Variants in MCUR1 observed in about 807,000 individuals in gnomAD.
The protein encoded by MCUR1 is mitochondrial calcium uniporter regulator 1.
A neutral mutation model predicts 42.0 loss-of-function variants in MCUR1; 37 were observed. The ratio of observed to expected loss-of-function variants is 0.88; its 90% CI spans 0.68 to 1.16. The LOEUF (loss-of-function observed/expected upper bound fraction) is 1.16. Among genes scored for constraint, MCUR1 ranks in the 50% most tolerant of loss-of-function variants. MCUR1 has a pLI of 0.00. For synonymous variants in MCUR1, 229 were observed against 196.2 expected (o/e 1.17, Z -1.40); for missense variants, 469 against 468.4 (o/e 1.00, Z -0.01).
intron 6 of MCUR1, among the ~76,000 whole-genome samples, chr6:13,797,136 G>C (rs1195633463): frequency 2.0e-5 from 3 of 152,072 alleles, no homozygotes; most frequent in African/African-American, 7.2e-5. Flanking sequence ...TTACTTTTTT[G>C]AGTTTCAGTA....
chr6:13,808,770 T>C (rs1352964248), intron 1 of MCUR1, among the ~76,000 whole-genome samples: 1 of 152,194 alleles, frequency 6.6e-6, no homozygotes, highest in African/African-American at 2.4e-5. Flanking sequence ...TCCACTGAAA[T>C]GTCTTGTCAC....
At chr6:13,803,145 T>TGG (rs1339943445) in intron 2 of MCUR1, among the ~76,000 whole-genome samples, 1 of 152,102 alleles carries the variant, frequency 6.6e-6, no homozygotes, top group African/African-American at 2.4e-5. Context: ...CACAGCAACC[T>TGG]CCACCTCCCG....
chr6:13,810,063 C>T (rs1033161869), intron 1 of MCUR1, among the ~76,000 whole-genome samples: 3 of 150,724 alleles, frequency 2.0e-5, no homozygotes, highest in Middle Eastern at 3.5e-3. Context: ...ATTAGCCATG[C>T]GTGGTGGCAG....
At chr6:13,810,845 T>C (rs1760217378) in intron 1 of MCUR1, among the ~76,000 whole-genome samples, 1 of 152,220 alleles carries the variant, frequency 6.6e-6, no homozygotes, top group African/African-American at 2.4e-5. Context: ...TGTTTGTTGG[T>C]AAAACTGGGC....
chr6:13,793,988 CCT>C, intron 6 of MCUR1, 41 bp from the exon 7 acceptor site: 6 of 1,574,214 alleles, frequency 3.8e-6, no homozygotes, highest in Middle Eastern at 3.3e-4. Flanking sequence ...CTGATCTACT[CCT>C]CTCTCTTCTC....
chr6:13,810,780 C>G (rs1320852663), intron 1 of MCUR1, among the ~76,000 whole-genome samples: 2 of 152,160 alleles, frequency 1.3e-5, no homozygotes, highest in African/African-American at 4.8e-5. Flanking sequence ...ATATCTGTAT[C>G]AAGAACCATT....
chr6:13,794,405 T>C (rs1314667661), intron 6 of MCUR1, among the ~76,000 whole-genome samples: 1 of 152,190 alleles, frequency 6.6e-6, no homozygotes, highest in Non-Finnish European at 1.5e-5. Context: ...TGCTGAGTCA[T>C]ATGGTTTTTG....
At position 13,814,041 on chromosome 6, in the gene MCUR1, G is replaced by T. The variant is rs1420780908; in HGVS notation, c.389C>A (p.Ala130Glu). The T allele has an allele frequency of 3.2e-6, 4 of 1,236,694 alleles. No individual in the cohort carries two copies. Among genetic ancestry groups the T allele is most frequent in the Non-Finnish European group, 4.0e-6 (4 of 991,106 alleles). The allele number at this position is 1,236,694 out of a possible 1,614,324, so 76.6% of individuals were successfully genotyped here. ...AGALPQYHGP[A>E]PALVSCRREL... ...TCTCCTGCAGGAAACGAGTGCAGGCGCCGGGCCGTGGTACTGGGGAAGGGC... is the reference window on the plus strand; with the variant it reads ...TCTCCTGCAGGAAACGAGTGCAGGCTCCGGGCCGTGGTACTGGGGAAGGGC... The change falls in exon 1 of 9, where the codon GCG becomes GAG. Residue 130 changes from alanine to glutamate, a missense_variant. By Grantham distance (107) the Ala-to-Glu change is moderately radical. Coordinates refer to ENST00000379170, the MANE Select transcript of MCUR1 (RefSeq NM_001031713.4).
chr6:13,802,160 C>G, intron 3 of MCUR1, 83 bp downstream of exon 3: 1 of 1,105,344 alleles, frequency 9.0e-7, no homozygotes, highest in Non-Finnish European at 1.3e-6. Flanking sequence ...GGGGTATTAT[C>G]CAAAAAATTA....
chr6:13,811,849 G>A (rs1760242143), intron 1 of MCUR1, among the ~76,000 whole-genome samples: 1 of 149,854 alleles, frequency 6.7e-6, no homozygotes, highest in African/African-American at 2.5e-5. Flanking sequence ...ACGCCAATTT[G>A]GATACTACAG....
chr6:13,805,156 AT>A (rs112255408), intron 2 of MCUR1, among the ~76,000 whole-genome samples: 397 of 143,252 alleles, frequency 2.8e-3, no homozygotes, highest in Middle Eastern at 7.2e-3. Context: ...CTGCTTATCA[AT>A]TTTTTTTTTT....
chr6:13,797,721 G>GA (rs1257728258), intron 6 of MCUR1, among the ~76,000 whole-genome samples: 15 of 125,534 alleles, frequency 1.2e-4, no homozygotes, highest in Admixed American at 3.4e-4. Flanking sequence ...CAAAAACAAA[G>GA]AAAAAAAAAA....
intron 2 of MCUR1, among the ~76,000 whole-genome samples, chr6:13,804,790 CAA>C (rs971958696): frequency 4.8e-4 from 24 of 50,448 alleles, no homozygotes; most frequent in South Asian, 1.8e-3. Flanking sequence ...ACTCTGTCTC[CAA>C]AAAAAAAAAA....
intron 1 of MCUR1, among the ~76,000 whole-genome samples, chr6:13,811,610 C>T (rs552643027): frequency 4.3e-4 from 65 of 152,172 alleles, no homozygotes; most frequent in Middle Eastern, 3.4e-3. Context: ...AGCACTTCTC[C>T]AGGGGACCTC....
intron 1 of MCUR1, among the ~76,000 whole-genome samples, chr6:13,809,970 C>T (rs941472084): frequency 6.6e-6 from 1 of 151,654 alleles, no homozygotes; most frequent in African/African-American, 2.4e-5. Flanking sequence ...TTTGGGAGGC[C>T]GAGGCAGATG....
At chr6:13,795,323 C>G (rs1759832866) in intron 6 of MCUR1, among the ~76,000 whole-genome samples, 1 of 152,086 alleles carries the variant, frequency 6.6e-6, no homozygotes, top group South Asian at 2.1e-4. Context: ...AAACCTCAGT[C>G]TTCATTAACT....
At chr6:13,812,972 C>G (rs1760270331) in intron 1 of MCUR1, among the ~76,000 whole-genome samples, 1 of 152,206 alleles carries the variant, frequency 6.6e-6, no homozygotes, top group African/African-American at 2.4e-5. Flanking sequence ...CAGCCCAGGA[C>G]AGAGGGGCAC....
At chr6:13,804,078 T>C (rs1760053109) in intron 2 of MCUR1, 22 of 861,680 alleles carry the variant, frequency 2.6e-5, no homozygotes, top group Non-Finnish European at 2.9e-5. Context: ...CCCAGCACTT[T>C]AGGAGGCCAA....
At chr6:13,797,519 T>G (rs1197006326) in intron 6 of MCUR1, among the ~76,000 whole-genome samples, 1 of 150,666 alleles carries the variant, frequency 6.6e-6, no homozygotes, top group Non-Finnish European at 1.5e-5. Context: ...CCATCCTGGC[T>G]AACACGGTGA....
Sources: allele counts gnomAD v4.1 joint callset (sites outside exome capture counted in the v4.1 genomes callset), GRCh38; gene constraint gnomAD v4.1.1; transcripts MANE v1.5; gene names NCBI Gene and HGNC (gene_info 2026-07-23, HGNC 2026-07-21).